ZNF254: variants seen among roughly 807,000 people sequenced by gnomAD.
ZNF254 encodes CTD-2017D11.1.
Under a neutral mutation model 12.4 loss-of-function variants are expected in ZNF254, and 10 were observed. That is an observed-to-expected ratio of 0.80 (90% CI 0.50 to 1.36). The LOEUF is 1.36. ZNF254 is among the 40% of genes most tolerant of loss of function. ZNF254 has a pLI of 0.00. For missense variants in ZNF254, 996 were observed against 763.9 expected, an observed-to-expected ratio of 1.30 and a Z score of -3.58; for synonymous variants, 305 against 253.4, an observed-to-expected ratio of 1.20 and a Z score of -1.93.
chr19:24,106,502 T>C, intron 2 of ZNF254, 46 bp from the exon 3 acceptor site: 1 of 1,473,366 alleles, frequency 6.8e-7, no homozygotes, highest in Non-Finnish European at 9.3e-7. Context: ...AAGTTGGTAA[T>C]TGGAGAATAT....
chr19:24,035,701 T>A (rs1293043930), intron 1 of ZNF254, among the ~76,000 whole-genome samples: 1 of 151,954 alleles, frequency 6.6e-6, no homozygotes. Context: ...AAAGAGGGGT[T>A]GTGGTTGGGT....
At chr19:24,092,226 G>A (rs1479066121) in intron 1 of ZNF254, among the ~76,000 whole-genome samples, 1 of 135,622 alleles carries the variant, frequency 7.4e-6, no homozygotes, top group Non-Finnish European at 1.6e-5. Context: ...GGAGTGCAGT[G>A]GGCGATCTCG....
chr19:24,088,871 G>A (rs115396222), intron 1 of ZNF254, among the ~76,000 whole-genome samples: 2,289 of 151,604 alleles, frequency 0.015, 60 homozygotes, highest in African/African-American at 0.053. Context: ...TGTCCAGGCT[G>A]GTTTCAAACT....
chr19:24,071,241 C>T (rs1971469647), intron 2 of ZNF254, among the ~76,000 whole-genome samples: 1 of 152,180 alleles, frequency 6.6e-6, no homozygotes, highest in Non-Finnish European at 1.5e-5. Context: ...CTCTTTGCTC[C>T]TTCCTGGGCC....
At chr19:24,058,697 C>T (rs1233762197) in intron 2 of ZNF254, among the ~76,000 whole-genome samples, 11 of 152,166 alleles carry the variant, frequency 7.2e-5, no homozygotes, top group African/African-American at 1.2e-4. Context: ...TGTGAGCCAC[C>T]GTGCCCGGCC....
chr19:24,051,925 A>G (rs980631077), intron 2 of ZNF254, among the ~76,000 whole-genome samples: 3 of 152,080 alleles, frequency 2.0e-5, no homozygotes, highest in Non-Finnish European at 4.4e-5. Flanking sequence ...CCTGAGCTGT[A>G]CTCACAGAGA....
At chr19:24,042,354 G>A (rs1417477395) in intron 1 of ZNF254, among the ~76,000 whole-genome samples, 1 of 152,160 alleles carries the variant, frequency 6.6e-6, no homozygotes, top group South Asian at 2.1e-4. Flanking sequence ...CCAGATAAGA[G>A]AATAAAAGCA....
rs1555750839 is a variant in ZNF254, at chr19:24,046,373, T to TATATATATATATATATATATATATATA, written c.-94+94_-94+95insATATATATATATATATATATATATATA. On this transcript the variant is annotated intron_variant, in intron 2 of 4. Coordinates refer to the ZNF254 transcript ENST00000613065. ...TTGTCTTCCATTATTTTATTATTTT[T>TATATATATATATATATATATATATATA]TATATATATATATATATATATATAT... is the stretch of plus-strand genomic sequence containing the variant. 1.5e-4 allele frequency: 14 copies of TATATATATATATATATATATATATATA among 95,500 alleles called. 1 individual carries two copies. Among genetic ancestry groups the TATATATATATATATATATATATATATA allele is most frequent in the East Asian group, 2.5e-4 (1 of 4,028 alleles). 5.9% of individuals were successfully genotyped at this position (95,500 alleles called of 1,614,324 possible). A position where few individuals can be genotyped will look rare whatever the true frequency, so the allele number is the denominator to read the frequency against.
chr19:24,100,925 TC>T lies in ZNF254; in HGVS notation c.31-5014del, dbSNP rs759663217. Among the ~76,000 whole-genome samples, 20 of 152,080 alleles carry T rather than the reference TC, an allele frequency of 1.3e-4. No homozygotes were observed. In the Middle Eastern group the frequency reaches 0.01, roughly 78 times the overall value. Reference sequence around the variant, plus strand: ...TCACTGCAACCTCCGCCTCCCAAGTTCAAGTGATTCTCCTGCCTCAGCTTTC... The same window carrying T: ...TCACTGCAACCTCCGCCTCCCAAGTTAAGTGATTCTCCTGCCTCAGCTTTC... On this transcript the variant is annotated intron_variant, in intron 1 of 3. Transcript: ENST00000357002.
intron 3 of ZNF254, among the ~76,000 whole-genome samples, chr19:24,115,888 C>T (rs1363054279): frequency 6.6e-6 from 1 of 152,102 alleles, no homozygotes; most frequent in Non-Finnish European, 1.5e-5. Flanking sequence ...TAGGGCAGGC[C>T]TGGTGGTGAC....
intron 2 of ZNF254, among the ~76,000 whole-genome samples, chr19:24,050,375 A>G (rs1970600259): frequency 2.0e-5 from 3 of 151,972 alleles, no homozygotes; most frequent in Non-Finnish European, 4.4e-5. Context: ...GGCCAGGCCG[A>G]TATCAAACTC....
At chr19:24,035,701 T>G (rs1293043930) in intron 1 of ZNF254, among the ~76,000 whole-genome samples, 1 of 151,954 alleles carries the variant, frequency 6.6e-6, no homozygotes, top group Admixed American at 6.6e-5. Flanking sequence ...AAAGAGGGGT[T>G]GTGGTTGGGT....
chr19:24,105,270 T>A (rs1973267436), intron 1 of ZNF254: 1 of 168,634 alleles, frequency 5.9e-6, no homozygotes, highest in African/African-American at 2.4e-5. Flanking sequence ...TTGTTTTTTG[T>A]CTTTTTCTTT....
chr19:24,126,535 A>G lies in ZNF254; in HGVS notation c.535A>G (p.Lys179Glu). 1.9e-6 allele frequency: 3 copies of G among 1,601,262 alleles called. No individual in the cohort carries two copies. The highest frequency in any genetic ancestry group is 2.6e-6 in the Non-Finnish European group (3 of 1,176,308). The change falls in exon 4 of 4, where the codon AAG (lysine) becomes GAG (glutamate). Residue 179 changes from lysine (K) to glutamate (E), a missense_variant. By Grantham distance (56) the Lys-to-Glu change is moderately conservative. Transcript: ENST00000357002. ...SNRPKIRHTEKKSFKCKKRVK... is the reference protein window; with the variant it reads ...SNRPKIRHTEEKSFKCKKRVK... The stretch of plus-strand genomic sequence containing the variant: ...CAGACCTAAGATAAGACATACTGAA[A>G]AGAAATCTTTCAAATGTAAAAAACG...
chr19:24,114,209 C>G (rs1002961734), intron 3 of ZNF254, among the ~76,000 whole-genome samples: 24 of 152,100 alleles, frequency 1.6e-4, no homozygotes, highest in African/African-American at 5.3e-4. Flanking sequence ...AAAAAGAGCC[C>G]GCATCGCCAA....
intron 2 of ZNF254, among the ~76,000 whole-genome samples, chr19:24,061,044 G>C (rs948707434): frequency 2.0e-5 from 3 of 151,914 alleles, no homozygotes; most frequent in Admixed American, 1.3e-4. Context: ...CCACTGCTTG[G>C]ACTCTGTCAC....
intron 1 of ZNF254, among the ~76,000 whole-genome samples, chr19:24,097,843 A>C (rs1182866437): frequency 2.6e-5 from 4 of 151,942 alleles, no homozygotes; most frequent in Admixed American, 2.6e-4. Flanking sequence ...AGCAAACAAC[A>C]ACAAAAAAAA....
chr19:24,065,643 C>G (rs538790303), intron 2 of ZNF254: 1 of 152,274 alleles, frequency 6.6e-6, no homozygotes, highest in East Asian at 1.9e-4. Context: ...TGGTCTCAGT[C>G]CAAATGTAAG....
rs776206112 is a variant in ZNF254, at chr19:24,105,939, G to T, written c.31-1G>T. ...TATGTGTGTTTGTGTGTGTTTTCCA[G>T]GGACTGTTGACATTTAGGGATGTGG... On this transcript the variant is annotated splice_acceptor_variant, in intron 1 of 3. Transcript: ENST00000357002. LOFTEE classifies it high-confidence loss of function. The T allele has an allele frequency of 1.3e-6, 2 of 1,590,546 alleles. No homozygotes were observed. The highest frequency in any genetic ancestry group is 1.7e-5 in the Admixed American group (1 of 59,266).
Sources: allele counts gnomAD v4.1 joint callset (sites outside exome capture counted in the v4.1 genomes callset), GRCh38; gene constraint gnomAD v4.1.1; transcripts MANE v1.5; gene names NCBI Gene and HGNC (gene_info 2026-07-23, HGNC 2026-07-21).